TENM1: variants seen among roughly 807,000 people sequenced by gnomAD.
The protein encoded by TENM1 is teneurin-1.
Under a neutral mutation model 174.8 loss-of-function variants are expected in TENM1, and 35 were observed. That is an observed-to-expected ratio of 0.20 (90% CI 0.15 to 0.27). The LOEUF (loss-of-function observed/expected upper bound fraction) is 0.27, where lower values mean the gene tolerates loss of function less well. TENM1 is among the 10% of genes least tolerant of loss of function. The pLI is 1.00. For missense variants in TENM1, 1,633 were observed against 2,130.1 expected (o/e 0.77, Z 4.59); for synonymous variants, 781 against 798.7 (o/e 0.98, Z 0.37).
intron 10 of TENM1, among the ~76,000 whole-genome samples, chrX:124,644,483 T>A (rs1044770164): frequency 9.1e-6 from 1 of 110,165 alleles, no homozygotes; most frequent in East Asian, 2.8e-4. Context: ...GAATGTAGCA[T>A]GAAAAACGTC....
At chrX:124,614,074 G>C (rs754793934) in intron 11 of TENM1, among the ~76,000 whole-genome samples, 3 of 111,429 alleles carry the variant, frequency 2.7e-5, no homozygotes, top group African/African-American at 9.8e-5. Context: ...ACTGTTTTCT[G>C]GGGGGGTTGG....
At chrX:124,795,331 G>T (rs1324749175) in intron 3 of TENM1, among the ~76,000 whole-genome samples, 2 of 112,206 alleles carry the variant, frequency 1.8e-5, no homozygotes, top group African/African-American at 6.5e-5. Flanking sequence ...AATACTTGTT[G>T]AATGCATGAC....
the TENM1 span, among the ~76,000 whole-genome samples, chrX:125,191,449 T>C: frequency 5.4e-5 from 6 of 111,269 alleles, no homozygotes; most frequent in East Asian, 1.4e-3. Context: ...ATGAGTAATA[T>C]AAAGAAAAAT....
the TENM1 span, among the ~76,000 whole-genome samples, chrX:125,113,492 A>C: frequency 1.1e-4 from 12 of 111,495 alleles, no homozygotes; most frequent in Admixed American, 1.2e-3. Flanking sequence ...AGTCAAGACC[A>C]ATGAGTGTGT....
At chrX:124,604,768 G>A (rs1194149976) in intron 11 of TENM1, among the ~76,000 whole-genome samples, 2 of 110,778 alleles carry the variant, frequency 1.8e-5, no homozygotes, top group Admixed American at 1.9e-4. Context: ...AGAAATGCAT[G>A]AACTTTCATA....
the TENM1 span, among the ~76,000 whole-genome samples, chrX:125,158,870 T>A: frequency 7.2e-5 from 8 of 110,853 alleles, no homozygotes; most frequent in Non-Finnish European, 1.5e-4. Flanking sequence ...CTGAAAAACA[T>A]CCAACATAAT....
At chrX:125,007,040 A>C in the TENM1 span, among the ~76,000 whole-genome samples, 2 of 112,022 alleles carry the variant, frequency 1.8e-5, no homozygotes, top group Non-Finnish European at 3.8e-5. Flanking sequence ...GATAAATCGA[A>C]AGAAGTAGGC....
chrX:124,706,946 C>CT (rs1190388752), intron 4 of TENM1, among the ~76,000 whole-genome samples: 1,359 of 87,911 alleles, frequency 0.015, 8 homozygotes, highest in Non-Finnish European at 0.019. Context: ...AGTCCTTAAT[C>CT]TTTTTTTTTT....
intron 1 of TENM1, among the ~76,000 whole-genome samples, chrX:124,962,613 T>A (rs2058671134): frequency 9.1e-6 from 1 of 109,637 alleles, no homozygotes; most frequent in Non-Finnish European, 1.9e-5. Context: ...AGGTCAGGAG[T>A]TTGAGACCAG....
exon 32 of TENM1, chrX:124,380,358 A>G (rs1375913948): frequency 4.9e-6 from 2 of 408,144 alleles, no homozygotes; most frequent in Non-Finnish European, 7.9e-6. Context: ...GTCATTTCTT[A>G]AAGAGTTTAA....
At chrX:125,161,835 TCCAGAC>T in the TENM1 span, among the ~76,000 whole-genome samples, 696 of 112,136 alleles carry the variant, frequency 6.2e-3, 6 homozygotes, top group African/African-American at 0.021. Context: ...AAAGTCTAGT[TCCAGAC>T]CCAGACCCAG....
At chrX:124,661,656 T>C (rs1264493223) in intron 6 of TENM1, among the ~76,000 whole-genome samples, 1 of 111,980 alleles carries the variant, frequency 8.9e-6, no homozygotes, top group African/African-American at 3.2e-5. Flanking sequence ...TCCTTTATTT[T>C]AGAATATAAG....
intron 6 of TENM1, among the ~76,000 whole-genome samples, chrX:124,657,418 CA>C (rs1205836568): frequency 9.1e-6 from 1 of 109,714 alleles, no homozygotes. Context: ...AACTCAGTTC[CA>C]AAAGAAAAGG....
chrX:124,846,749 G>C (rs1222220969), intron 3 of TENM1, among the ~76,000 whole-genome samples: 1 of 110,826 alleles, frequency 9.0e-6, no homozygotes, highest in Non-Finnish European at 1.9e-5. Context: ...AAGAGATCTG[G>C]TTATCCAGAA....
intron 3 of TENM1, among the ~76,000 whole-genome samples, chrX:124,764,655 T>C: frequency 9.2e-6 from 1 of 108,176 alleles, no homozygotes; most frequent in Non-Finnish European, 1.9e-5. Context: ...ATGGAAGACA[T>C]TTTTGAGGTA....
rs1039508515 is a variant in TENM1, at chrX:124,476,531, T to C, written c.3949+5201A>G. ...CCTAAGTTCTGCTCCTGCTGAGTTC[T>C]GGCGTCAGTTTGCCTGAAGATGTAC... On this transcript the variant is annotated intron_variant, in intron 22 of 31. Coordinates refer to ENST00000422452, the Ensembl canonical transcript of TENM1. 3.6e-5 allele frequency among the ~76,000 whole-genome samples: 4 copies of C among 112,053 alleles called. No individual in the cohort carries two copies. The Admixed American group carries it at 3.8e-4, about 11-fold the overall frequency.
chrX:124,792,373 T>C (rs2055199047), intron 3 of TENM1, among the ~76,000 whole-genome samples: 1 of 111,574 alleles, frequency 9.0e-6, no homozygotes, highest in East Asian at 2.8e-4. Flanking sequence ...AACATGCCAA[T>C]GTCACAGGAA....
chrX:124,928,571 G>T (rs1478250976), intron 1 of TENM1, among the ~76,000 whole-genome samples: 3 of 111,970 alleles, frequency 2.7e-5, no homozygotes, highest in Non-Finnish European at 5.6e-5. Context: ...TGTGAGATGT[G>T]CCTCTTTCAA....
At chrX:124,915,416 C>A (rs1301687247) in intron 1 of TENM1, among the ~76,000 whole-genome samples, 1 of 110,143 alleles carries the variant, frequency 9.1e-6, no homozygotes, top group Non-Finnish European at 1.9e-5. Context: ...TCCCAGCTAC[C>A]CGGGAGGCTG....
Sources: gnomAD v4.1 joint callset for allele counts (sites outside exome capture counted in the v4.1 genomes callset) on GRCh38, gnomAD v4.1.1 for gene constraint, MANE v1.5 for transcripts, NCBI Gene and HGNC (gene_info 2026-07-23, HGNC 2026-07-21) for gene names.